PCDHGA10: variants seen among roughly 807,000 people sequenced by gnomAD.
PCDHGA10 encodes the protein protocadherin gamma subfamily A, 10.
PCDHGA10 carries 42 observed loss-of-function variants against 59.5 expected under a neutral mutation model. The ratio of observed to expected loss-of-function variants is 0.71; its 90% CI spans 0.55 to 0.91. The LOEUF is 0.91. Ranked by LOEUF, PCDHGA10 falls within the 40% of genes least tolerant of loss-of-function variation. The pLI, the probability that PCDHGA10 is intolerant of heterozygous loss-of-function variation, is 0.00. For synonymous variants in PCDHGA10, 511 were observed against 517.2 expected (o/e 0.99, Z 0.16); for missense variants, 1,111 against 1,198.2 (o/e 0.93, Z 1.07).
intron 1 of PCDHGA10, among the ~76,000 whole-genome samples, chr5:141,448,712 G>A (rs1439461223): frequency 1.3e-5 from 2 of 152,004 alleles, no homozygotes; most frequent in African/African-American, 2.4e-5. Flanking sequence ...AGGCCGAGGC[G>A]GGAGGATCAC....
At position 141,489,651 on chromosome 5, in the gene PCDHGA10, G is replaced by A; in HGVS notation, c.2437-5156G>A. 6.2e-7 allele frequency: 1 copy of A among 1,614,186 alleles called. No individual in the cohort carries two copies. Among genetic ancestry groups the A allele is most frequent in the Non-Finnish European group, 8.5e-7 (1 of 1,180,032 alleles). ...ACTCTCCTAGCTTTGCCACCCCTGA[G>A]CGAGAGATGCGCATCTCAGAATCAG... On this transcript the variant is annotated intron_variant, in intron 1 of 3. Coordinates refer to ENST00000398610, the MANE Select transcript of PCDHGA10 (RefSeq NM_018913.3). The surrounding 1 kb of genome is among the most constrained non-coding windows in gnomAD (Gnocchi z 4.5).
intron 1 of PCDHGA10, among the ~76,000 whole-genome samples, chr5:141,451,854 C>T (rs1243479409): frequency 6.6e-6 from 1 of 152,058 alleles, no homozygotes; most frequent in Non-Finnish European, 1.5e-5. Flanking sequence ...CCACTCCAGC[C>T]TAGGCCACAG....
intron 1 of PCDHGA10, chr5:141,427,922 G>A: frequency 6.3e-7 from 1 of 1,580,742 alleles, no homozygotes; most frequent in Non-Finnish European, 8.6e-7. Flanking sequence ...ACATGAGCCG[G>A]CGCATGTTGG....
At chr5:141,440,631 A>C (rs1036203175) in intron 1 of PCDHGA10, 2 of 152,224 alleles carry the variant, frequency 1.3e-5, no homozygotes, top group African/African-American at 4.8e-5. Flanking sequence ...ATGTTGAGAG[A>C]AATTCCTTAC....
rs61612330 is a variant in PCDHGA10, at chr5:141,454,796, A to ATTTTTTTTTTTTTTT, written c.2436+39200_2436+39214dup. 1.0e-3 allele frequency among the ~76,000 whole-genome samples: 80 copies of ATTTTTTTTTTTTTTT among 77,456 alleles called. 10 individuals are homozygous for ATTTTTTTTTTTTTTT. The highest frequency in any genetic ancestry group is 2.0e-3 in the East Asian group (5 of 2,512). The allele number at this position is 77,456 out of a possible 152,430, so 50.8% of individuals were successfully genotyped here. A position where few individuals can be genotyped will look rare whatever the true frequency, so the allele number is the denominator to read the frequency against. On this transcript the variant is annotated intron_variant, in intron 1 of 3. Transcript: ENST00000398610. ...AAGGAAATAATCCTCCATGGTTCTA[A>ATTTTTTTTTTTTTTT]TTTTTTTTTTTTTTTTTTTTTTTTT...
chr5:141,442,870 T>A (rs942975420), intron 1 of PCDHGA10, among the ~76,000 whole-genome samples: 1 of 152,192 alleles, frequency 6.6e-6, no homozygotes, highest in African/African-American at 2.4e-5. Flanking sequence ...AGATGTAAAT[T>A]TACAACTCAG....
intron 1 of PCDHGA10, chr5:141,423,627 C>T (rs925883716): frequency 6.2e-7 from 1 of 1,604,886 alleles, no homozygotes; most frequent in African/African-American, 1.3e-5. Context: ...ACTCAGCTAT[C>T]ATTTTAGGCA....
rs1039987036 is a variant in PCDHGA10, at chr5:141,414,472, A to C, written c.1297A>C (p.Ser433Arg). Residue 433 changes from serine (S) to arginine (R), a missense_variant, in exon 1 of 4, where the codon AGT (serine) becomes CGT (arginine). Coordinates refer to ENST00000398610, the MANE Select transcript of PCDHGA10 (RefSeq NM_018913.3). ...CACAGTGACAGCCACAGATGGGGGAAGTCCTCCTCTATCAACGGAAGCTCA... is the reference window on the plus strand; with the variant it reads ...CACAGTGACAGCCACAGATGGGGGACGTCCTCCTCTATCAACGGAAGCTCA... ...NITVTATDGG[S>R]PPLSTEAHFM... The C allele has an allele frequency of 3.1e-6, 5 of 1,613,796 alleles. No individual in the cohort carries two copies. The highest frequency in any genetic ancestry group is 1.3e-5 in the African/African-American group (1 of 74,930).
Position 141,415,095 on chromosome 5 carries a change from C to G in PCDHGA10, c.1920C>G (p.Asp640Glu). 2 of 1,613,584 alleles carry G rather than the reference C, an allele frequency of 1.2e-6. No homozygotes were observed. Among genetic ancestry groups the G allele is most frequent in the Non-Finnish European group, 1.7e-6 (2 of 1,179,980 alleles). The change falls in exon 1 of 4, where the codon GAC (aspartate) becomes GAG (glutamate). Residue 640 changes from aspartate to glutamate, a missense_variant. Transcript: ENST00000398610. ...VRTARALLDR[D>E]ALKQSLVVAV... ...CGGCGCGAGCCCTGCTGGACAGAGA[C>G]GCGCTCAAGCAAAGCCTCGTAGTGG...
chr5:141,472,980 C>CAAAAAAAAAAAAAAAAAAGAAAAAAAA (rs60579131), intron 1 of PCDHGA10, among the ~76,000 whole-genome samples: 1 of 86,106 alleles, frequency 1.2e-5, no homozygotes, highest in Non-Finnish European at 2.5e-5. Flanking sequence ...GAGTGAAACT[C>CAAAAAAAAAAAAAAAAAAGAAAAAAAA]AAAAAAAAAA....
rs1173627393 is a variant in PCDHGA10 at position 141,487,102 on chromosome 5, G to A, written c.2437-7705G>A. ...CAGCTGACCTCCCACCACAGAAGCT[G>A]GTCATTGTGGTAAAGGATAGTGGTA... On this transcript the variant is annotated intron_variant, in intron 1 of 3. Coordinates refer to ENST00000398610, the MANE Select transcript of PCDHGA10 (RefSeq NM_018913.3). This position sits in a 1 kb window ranked among gnomAD's most constrained non-coding sequence, Gnocchi z 5.0. 1 of 1,613,900 alleles carries A rather than the reference G, an allele frequency of 6.2e-7. No homozygotes were observed.
chr5:141,422,977 G>A (rs1434523351), intron 1 of PCDHGA10: 1 of 1,614,110 alleles, frequency 6.2e-7, no homozygotes, highest in Non-Finnish European at 8.5e-7. Context: ...CCGCTCTGCG[G>A]AACCTGGCTA....
chr5:141,498,197 A>C (rs1191884415), intron 2 of PCDHGA10, among the ~76,000 whole-genome samples: 1 of 152,246 alleles, frequency 6.6e-6, no homozygotes. Flanking sequence ...AACCAGCTAA[A>C]GAAAAGAAGG....
At chr5:141,502,139 C>G (rs923501238) in intron 2 of PCDHGA10, among the ~76,000 whole-genome samples, 1 of 152,104 alleles carries the variant, frequency 6.6e-6, no homozygotes, top group Non-Finnish European at 1.5e-5. Flanking sequence ...TCAGTCGGGC[C>G]GGAAGTAAGG....
chr5:141,492,911 G>A (rs1008138353), intron 1 of PCDHGA10, among the ~76,000 whole-genome samples: 1 of 152,216 alleles, frequency 6.6e-6, no homozygotes, highest in Admixed American at 6.5e-5. Context: ...TGATCACAAT[G>A]TGCCCAGCGA....
At chr5:141,456,197 C>T (rs1353243708) in intron 1 of PCDHGA10, among the ~76,000 whole-genome samples, 1 of 152,090 alleles carries the variant, frequency 6.6e-6, no homozygotes, top group Non-Finnish European at 1.5e-5. Context: ...ATAACTCCTA[C>T]CACATTCCTC....
chr5:141,487,031 G>A lies in PCDHGA10; in HGVS notation c.2437-7776G>A, dbSNP rs749130369. 1.2e-6 allele frequency: 2 copies of A among 1,614,182 alleles called. No homozygotes were observed. Among genetic ancestry groups the A allele is most frequent in the Non-Finnish European group, 1.7e-6 (2 of 1,180,028 alleles). On this transcript the variant is annotated intron_variant, in intron 1 of 3. Coordinates refer to ENST00000398610, the MANE Select transcript of PCDHGA10 (RefSeq NM_018913.3). The surrounding 1 kb of genome is among the most constrained non-coding windows in gnomAD (Gnocchi z 5.0). ...GGAGGCCCCAGATCCCAGCCTGTTT[G>A]CAGTCTCTCGATATGCTGGGGAGGT...
In PCDHGA10 at chr5:141,431,354, G is replaced by T. The variant is rs777198567; in HGVS notation, c.2436+15743G>T. The T allele has an allele frequency of 1.9e-6, 3 of 1,614,036 alleles. No individual in the cohort carries two copies. In the South Asian group the frequency reaches 3.3e-5, roughly 18 times the overall value. ...GTACCCCGAATTGGTGCTGAAACGC[G>T]CCCTGGACCGCGAAGAAAAGGCTGC... On this transcript the variant is annotated intron_variant, in intron 1 of 3. Coordinates refer to ENST00000398610, the MANE Select transcript of PCDHGA10 (RefSeq NM_018913.3). This position sits in a 1 kb window ranked among gnomAD's most constrained non-coding sequence, Gnocchi z 4.8.
rs768559201 is a variant in PCDHGA10, at chr5:141,431,344, G to A, written c.2436+15733G>A. Reference sequence around the variant, plus strand: ...ACGGTAGTAAGTACCCCGAATTGGTGCTGAAACGCGCCCTGGACCGCGAAG... The same window carrying A: ...ACGGTAGTAAGTACCCCGAATTGGTACTGAAACGCGCCCTGGACCGCGAAG... On this transcript the variant is annotated intron_variant, in intron 1 of 3. Coordinates refer to ENST00000398610, the MANE Select transcript of PCDHGA10 (RefSeq NM_018913.3). The surrounding 1 kb of genome is among the most constrained non-coding windows in gnomAD (Gnocchi z 4.8). 3.9e-5 allele frequency: 63 copies of A among 1,614,078 alleles called. No homozygotes were observed. Among genetic ancestry groups the A allele is most frequent in the Non-Finnish European group, 5.0e-5 (59 of 1,180,044 alleles).
Sources: gnomAD v4.1 joint callset for allele counts (sites outside exome capture counted in the v4.1 genomes callset) on GRCh38, gnomAD v4.1.1 for gene constraint, Gnocchi (gnomAD v3.1) non-coding constraint, MANE v1.5 for transcripts, NCBI Gene and HGNC (gene_info 2026-07-23, HGNC 2026-07-21) for gene names.